PPFIA2: variants seen among roughly 807,000 people sequenced by gnomAD.
PPFIA2 encodes the protein liprin-alpha-2.
A neutral mutation model predicts 175.5 loss-of-function variants in PPFIA2; 46 were observed. The observed-to-expected ratio is 0.26, with a 90% CI of 0.21 to 0.34. The LOEUF is 0.34. PPFIA2 is among the 10% of genes least tolerant of loss of function. PPFIA2 has a pLI of 1.00. For missense variants in PPFIA2, 1,179 were observed against 1,506.1 expected (o/e 0.78, Z 3.60); for synonymous variants, 568 against 511.4 (o/e 1.11, Z -1.49).
intron 4 of PPFIA2, among the ~76,000 whole-genome samples, chr12:81,676,186 A>G (rs954077927): frequency 1.3e-5 from 2 of 152,042 alleles, no homozygotes; most frequent in Admixed American, 6.6e-5. Flanking sequence ...CTTTAGATAT[A>G]CTTTGAATTT....
At chr12:81,635,543 C>T (rs932998292) in intron 4 of PPFIA2, among the ~76,000 whole-genome samples, 2 of 152,122 alleles carry the variant, frequency 1.3e-5, no homozygotes, top group African/African-American at 4.8e-5. Flanking sequence ...GGTCTACAGC[C>T]TCAACCAGGA....
At chr12:81,664,931 A>T (rs2069819695) in intron 4 of PPFIA2, among the ~76,000 whole-genome samples, 1 of 151,954 alleles carries the variant, frequency 6.6e-6, no homozygotes, top group South Asian at 2.1e-4. Flanking sequence ...GCAAACTATC[A>T]CAAGGACAAA....
chr12:81,728,196 T>C (rs892675977), intron 3 of PPFIA2, among the ~76,000 whole-genome samples: 2 of 151,406 alleles, frequency 1.3e-5, no homozygotes, highest in African/African-American at 4.8e-5. Flanking sequence ...GCCTTCACTT[T>C]TGGTTGTTTG....
chr12:81,309,784 C>A (rs984241088), intron 22 of PPFIA2, among the ~76,000 whole-genome samples: 9 of 151,976 alleles, frequency 5.9e-5, no homozygotes, highest in African/African-American at 2.2e-4. Flanking sequence ...AATTGAGTTG[C>A]GAGTTATGTA....
chr12:81,630,922 A>G (rs2153497525), intron 4 of PPFIA2, among the ~76,000 whole-genome samples: 1 of 146,748 alleles, frequency 6.8e-6, no homozygotes, highest in South Asian at 2.1e-4. Context: ...TTCCAGACAG[A>G]GTCTAGCTCT....
At position 81,341,185 on chromosome 12, in the gene PPFIA2, A is replaced by G. The variant is rs763775183; in HGVS notation, c.2286T>C (p.Gly762=). 2 of 1,612,110 alleles carry G rather than the reference A, an allele frequency of 1.2e-6. No homozygotes were observed. The highest frequency in any genetic ancestry group is 2.2e-5 in the South Asian group (2 of 91,018). ...ATTTAATTGTTGCTTTGTCCTCTCG[A>G]CCATCTTCTTCCACAACTGCAATCT... is the stretch of plus-strand genomic sequence containing the variant. ...RRKIAVVEED[G]REDKATIKCE... is the part of the protein sequence containing the mutation. Residue 762 remains glycine (G), a synonymous_variant, in exon 20 of 33, where the codon GGT becomes GGC. Transcript: ENST00000549396.
intron 19 of PPFIA2, 37 bp downstream of exon 19, chr12:81,344,627 A>T: frequency 6.9e-7 from 1 of 1,441,542 alleles, no homozygotes; most frequent in Non-Finnish European, 9.5e-7. Flanking sequence ...ATAAAACAGT[A>T]TTCAATTCGT....
At chr12:81,367,056 G>T in intron 14 of PPFIA2, 52 bp downstream of exon 14, 1 of 1,408,230 alleles carries the variant, frequency 7.1e-7, no homozygotes, top group Non-Finnish European at 9.4e-7. Context: ...TTCATCAGTG[G>T]AATAGAAAAT....
At chr12:81,483,364 T>C (rs1356613717) in intron 4 of PPFIA2, among the ~76,000 whole-genome samples, 1 of 152,150 alleles carries the variant, frequency 6.6e-6, no homozygotes, top group Non-Finnish European at 1.5e-5. Flanking sequence ...AGTGGAATAT[T>C]AATTGGCAAT....
chr12:81,314,867 AAATAT>A, intron 22 of PPFIA2, among the ~76,000 whole-genome samples: 1 of 129,900 alleles, frequency 7.7e-6, no homozygotes, highest in East Asian at 2.7e-4. Context: ...TAAAATAAAT[AAATAT>A]TTTTTTTAAT....
intron 8 of PPFIA2, among the ~76,000 whole-genome samples, chr12:81,405,367 T>C (rs1470274620): frequency 6.6e-6 from 1 of 152,164 alleles, no homozygotes; most frequent in Non-Finnish European, 1.5e-5. Flanking sequence ...TTGTATATTA[T>C]ATCACTTACA....
At chr12:81,408,293 A>C (rs892894118) in intron 7 of PPFIA2, among the ~76,000 whole-genome samples, 1 of 152,194 alleles carries the variant, frequency 6.6e-6, no homozygotes, top group Non-Finnish European at 1.5e-5. Context: ...TTTATGAATT[A>C]TAAATTTTAA....
At chr12:81,730,288 C>G (rs2080701680) in intron 3 of PPFIA2, among the ~76,000 whole-genome samples, 1 of 151,552 alleles carries the variant, frequency 6.6e-6, no homozygotes, top group South Asian at 2.1e-4. Context: ...TTAGTCTGCT[C>G]TCATACTGAT....
chr12:81,662,776 T>C (rs1313500647), intron 4 of PPFIA2, among the ~76,000 whole-genome samples: 1 of 152,166 alleles, frequency 6.6e-6, no homozygotes, highest in African/African-American at 2.4e-5. Context: ...CCAATATCCC[T>C]GATGAATCTC....
chr12:81,585,150 G>A (rs2075132827), intron 4 of PPFIA2, among the ~76,000 whole-genome samples: 1 of 144,718 alleles, frequency 6.9e-6, no homozygotes, highest in Non-Finnish European at 1.5e-5. Context: ...TAAATATAGG[G>A]CACTTACCAT....
chr12:81,626,976 C>T (rs2062787632), intron 4 of PPFIA2, among the ~76,000 whole-genome samples: 1 of 151,350 alleles, frequency 6.6e-6, no homozygotes, highest in Non-Finnish European at 1.5e-5. Context: ...ACTTTTTTGC[C>T]TCAGGTCTCA....
chr12:81,408,537 T>G (rs1299702467), intron 7 of PPFIA2, among the ~76,000 whole-genome samples: 1 of 152,164 alleles, frequency 6.6e-6, no homozygotes, highest in Non-Finnish European at 1.5e-5. Flanking sequence ...TCCTGGTGCC[T>G]GAAATAAAGC....
intron 14 of PPFIA2, among the ~76,000 whole-genome samples, chr12:81,364,036 TAGAA>T (rs1459979589): frequency 6.6e-6 from 1 of 151,784 alleles, no homozygotes; most frequent in African/African-American, 2.4e-5. Context: ...AGCATGTTGT[TAGAA>T]AGGAGAAAAC....
intron 4 of PPFIA2, among the ~76,000 whole-genome samples, chr12:81,642,893 TTA>T (rs2065504699): frequency 7.0e-6 from 1 of 143,820 alleles, no homozygotes; most frequent in African/African-American, 2.5e-5. Context: ...ATGAACATAT[TTA>T]TGTTATATAC....
Sources: allele counts gnomAD v4.1 joint callset (sites outside exome capture counted in the v4.1 genomes callset), GRCh38; gene constraint gnomAD v4.1.1; transcripts MANE v1.5; gene names NCBI Gene and HGNC (gene_info 2026-07-23, HGNC 2026-07-21).